The following SASH1 variants were observed in gnomAD, a reference collection of about 807,000 sequenced individuals.
SASH1 encodes the protein SAM and SH3 domain containing 1, also known as SAM and SH3 domain-containing protein 1.
Under a neutral mutation model 125.2 loss-of-function variants are expected in SASH1, and 44 were observed. The observed-to-expected ratio is 0.35, with a 90% CI of 0.28 to 0.45. The LOEUF (loss-of-function observed/expected upper bound fraction) is 0.45, where lower values mean the gene tolerates loss of function less well. Among genes scored for constraint, SASH1 ranks in the 20% least tolerant of loss-of-function variants. The pLI, the probability that SASH1 is intolerant of heterozygous loss-of-function variation, is 1.00. For synonymous variants in SASH1, 639 were observed against 649.1 expected, an observed-to-expected ratio of 0.98 and a Z score of 0.24; for missense variants, 1,426 against 1,614.5, an observed-to-expected ratio of 0.88 and a Z score of 2.00.
intron 19 of SASH1, among the ~76,000 whole-genome samples, chr6:148,546,969 T>C (rs183004133): frequency 1.8e-4 from 28 of 152,324 alleles, no homozygotes; most frequent in African/African-American, 6.5e-4. Flanking sequence ...AGTGGATCTC[T>C]TGAAAGCTTG....
chr6:148,352,471 C>T (rs1331188772), intron 1 of SASH1, among the ~76,000 whole-genome samples: 1 of 152,006 alleles, frequency 6.6e-6, no homozygotes, highest in Non-Finnish European at 1.5e-5. Flanking sequence ...GTGGCAGGCG[C>T]CTGTAGTCCC....
intron 1 of SASH1, among the ~76,000 whole-genome samples, chr6:148,303,899 A>T (rs1383907398): frequency 6.6e-6 from 1 of 152,164 alleles, no homozygotes; most frequent in Non-Finnish European, 1.5e-5. Context: ...ATGCTTTAAG[A>T]TGGAAAAATG....
chr6:148,310,803 G>C (rs1780305728), intron 1 of SASH1, among the ~76,000 whole-genome samples: 1 of 152,124 alleles, frequency 6.6e-6, no homozygotes, highest in South Asian at 2.1e-4. Context: ...ATAACTATTA[G>C]AATGACTTTT....
chr6:148,202,655 G>GGGAA, the SASH1 span, among the ~76,000 whole-genome samples: 1 of 152,296 alleles, frequency 6.6e-6, no homozygotes, highest in Admixed American at 6.5e-5. Flanking sequence ...GGAATTTCTG[G>GGGAA]GGAAAGAAAG....
intron 2 of SASH1, among the ~76,000 whole-genome samples, chr6:148,405,465 G>A (rs1377468248): frequency 2.6e-5 from 4 of 152,090 alleles, no homozygotes; most frequent in Admixed American, 6.6e-5. Context: ...GCTCAGGTTA[G>A]CAGGGCTGAG....
rs1485808300 is a variant in SASH1, at chr6:148,377,201, A to AAC, written c.157-12932_157-12931insCA. 1.4e-4 allele frequency among the ~76,000 whole-genome samples: 12 copies of AAC among 83,036 alleles called. 1 individual carries two copies. The South Asian group carries it at 2.4e-3, about 17-fold the overall frequency. 54.5% of individuals were successfully genotyped at this position (83,036 alleles called of 152,430 possible). ...AAAAAAAACAAAAAAAAAACAAAAA[A>AAC]AAAACAAAACAAACAAACAAACAAA... On this transcript the variant is annotated intron_variant, in intron 1 of 19. Coordinates refer to ENST00000367467, the MANE Select transcript of SASH1 (RefSeq NM_015278.5).
At chr6:148,421,094 A>C (rs1035400475) in intron 2 of SASH1, among the ~76,000 whole-genome samples, 2 of 149,670 alleles carry the variant, frequency 1.3e-5, no homozygotes, top group African/African-American at 4.9e-5. Context: ...CAAAAAAAGA[A>C]AAGAAAAGAA....
At chr6:148,449,943 C>G (rs1294125285) in intron 4 of SASH1, among the ~76,000 whole-genome samples, 1 of 152,116 alleles carries the variant, frequency 6.6e-6, no homozygotes, top group Non-Finnish European at 1.5e-5. Context: ...AGAGGGAGAA[C>G]TCACTCACTA....
intron 8 of SASH1, chr6:148,509,481 T>A (rs1466051007): frequency 6.4e-6 from 1 of 156,136 alleles, no homozygotes; most frequent in African/African-American, 2.4e-5. Flanking sequence ...GGAAACAAGC[T>A]GAGTGAAAGT....
At chr6:148,541,739 A>C (rs1782230454) in intron 17 of SASH1, among the ~76,000 whole-genome samples, 1 of 152,126 alleles carries the variant, frequency 6.6e-6, no homozygotes, top group African/African-American at 2.4e-5. Context: ...TCACCTCCTT[A>C]GAGTTTGTCC....
the SASH1 span, among the ~76,000 whole-genome samples, chr6:148,203,663 G>A: frequency 3.3e-5 from 5 of 152,260 alleles, no homozygotes; most frequent in East Asian, 1.9e-4. Flanking sequence ...ACCATCTGGC[G>A]TATAACTATT....
At chr6:148,229,710 G>A in the SASH1 span, among the ~76,000 whole-genome samples, 48 of 146,956 alleles carry the variant, frequency 3.3e-4, no homozygotes, top group African/African-American at 1.2e-3. Flanking sequence ...ATAATATAAC[G>A]TCAGAGCACT....
At chr6:148,459,081 G>A (rs916932669) in intron 4 of SASH1, among the ~76,000 whole-genome samples, 3 of 151,948 alleles carry the variant, frequency 2.0e-5, no homozygotes, top group Admixed American at 1.3e-4. Context: ...TGAAGGAATT[G>A]AGAAGGCATT....
intron 1 of SASH1, among the ~76,000 whole-genome samples, chr6:148,294,610 A>G (rs545045852): frequency 4.7e-4 from 71 of 152,296 alleles, no homozygotes; most frequent in African/African-American, 1.6e-3. Flanking sequence ...TTTTTCCTAC[A>G]CAGAAAAGCC....
intron 1 of SASH1, among the ~76,000 whole-genome samples, chr6:148,303,412 A>C (rs1041489439): frequency 3.3e-5 from 5 of 152,226 alleles, no homozygotes; most frequent in African/African-American, 1.2e-4. Context: ...AGATAAAGGA[A>C]TCAAAATCAT....
intron 1 of SASH1, among the ~76,000 whole-genome samples, chr6:148,334,482 A>ATGGAGGTGAAGGGAAG (rs1781091856): frequency 6.8e-6 from 1 of 146,718 alleles, no homozygotes; most frequent in African/African-American, 2.5e-5. Flanking sequence ...AGTGATGGTA[A>ATGGAGGTGAAGGGAAG]TGGAGGTGAA....
Position 148,529,944 on chromosome 6 carries a change from C to T in SASH1, c.1429-1582C>T, listed in dbSNP as rs1781415410. Among the ~76,000 whole-genome samples the T allele has an allele frequency of 6.6e-6, 1 of 151,916 alleles. No individual in the cohort carries two copies. Among genetic ancestry groups the T allele is most frequent in the Admixed American group, 6.6e-5 (1 of 15,250 alleles). ...ACCTCAGCCTCTTGAGTAGCTGGGACTACAGGCACGTGCCACCATACCCGG... is the reference window on the plus strand; with the variant it reads ...ACCTCAGCCTCTTGAGTAGCTGGGATTACAGGCACGTGCCACCATACCCGG... On this transcript the variant is annotated intron_variant, in intron 12 of 19. Coordinates refer to ENST00000367467, the MANE Select transcript of SASH1 (RefSeq NM_015278.5). This position sits in a 1 kb window ranked among gnomAD's most constrained non-coding sequence, Gnocchi z 4.2.
At chr6:148,358,733 G>GTTTTTTTTTTTTT (rs10673654) in intron 1 of SASH1, among the ~76,000 whole-genome samples, 2 of 120,920 alleles carry the variant, frequency 1.7e-5, no homozygotes, top group East Asian at 2.4e-4. Flanking sequence ...CCATGTTTTT[G>GTTTTTTTTTTTTT]TTTTTTTTTT....
chr6:148,280,112 T>C (rs1779298458), intron 1 of SASH1, among the ~76,000 whole-genome samples: 1 of 137,344 alleles, frequency 7.3e-6, no homozygotes, highest in Non-Finnish European at 1.5e-5. Flanking sequence ...ATTGTGTATT[T>C]TCAACACGGC....
Sources: allele counts gnomAD v4.1 joint callset (sites outside exome capture counted in the v4.1 genomes callset), GRCh38; gene constraint gnomAD v4.1.1; non-coding constraint Gnocchi (gnomAD v3.1); transcripts MANE v1.5; gene names NCBI Gene and HGNC (gene_info 2026-07-23, HGNC 2026-07-21).